FHIT: variants seen among roughly 807,000 people sequenced by gnomAD.
FHIT encodes fragile histidine triad diadenosine triphosphatase.
In FHIT, 19 loss-of-function variants were observed where a neutral mutation model predicts 17.9. The observed-to-expected ratio is 1.06, with a 90% CI of 0.74 to 1.56. The LOEUF (loss-of-function observed/expected upper bound fraction) is 1.56. Among genes scored for constraint, FHIT ranks in the 40% most tolerant of loss-of-function variants. The pLI, the probability that FHIT is intolerant of heterozygous loss-of-function variation, is 0.00. For missense variants in FHIT, 248 were observed against 189.2 expected (o/e 1.31, Z -1.82); for synonymous variants, 81 against 69.7 (o/e 1.16, Z -0.81).
At chr3:60,399,393 C>T (rs767571386) in intron 5 of FHIT, among the ~76,000 whole-genome samples, 11 of 152,076 alleles carry the variant, frequency 7.2e-5, no homozygotes, top group Non-Finnish European at 1.0e-4. Context: ...GGAATAGATG[C>T]TGAGAATATC....
chr3:60,405,618 C>A (rs1045775298), intron 5 of FHIT, among the ~76,000 whole-genome samples: 1 of 152,176 alleles, frequency 6.6e-6, no homozygotes, highest in Admixed American at 6.5e-5. Context: ...AGGTAGAGTG[C>A]CCCAAGAGAA....
At chr3:60,091,629 G>A (rs1019852979) in intron 5 of FHIT, among the ~76,000 whole-genome samples, 1 of 152,162 alleles carries the variant, frequency 6.6e-6, no homozygotes, top group African/African-American at 2.4e-5. Flanking sequence ...GTGGGGCACG[G>A]TGAGAGGTGA....
intron 3 of FHIT, among the ~76,000 whole-genome samples, chr3:61,025,915 G>T (rs1447669759): frequency 6.6e-6 from 1 of 152,048 alleles, no homozygotes; most frequent in African/African-American, 2.4e-5. Flanking sequence ...ACAATGGAAA[G>T]AAATAATTGT....
At chr3:60,263,678 A>C (rs1003592927) in intron 5 of FHIT, among the ~76,000 whole-genome samples, 3 of 151,954 alleles carry the variant, frequency 2.0e-5, no homozygotes, top group Non-Finnish European at 2.9e-5. Context: ...GGTAGAGAGG[A>C]GGTGGAATGC....
chr3:60,056,988 C>A (rs779499806), intron 5 of FHIT, among the ~76,000 whole-genome samples: 14 of 152,134 alleles, frequency 9.2e-5, no homozygotes, highest in Non-Finnish European at 1.9e-4. Flanking sequence ...GTTCTCAAAT[C>A]CAAGCTCTGG....
rs1577110598 is a variant in FHIT, at chr3:60,717,619, G to T, written c.-18+104300C>A. ...TAGCGAAGATTTGAGCTTGAAGTTT[G>T]CCTTTTAAAGAAATTGCATATGTGA... On this transcript the variant is annotated intron_variant, in intron 4 of 9. Coordinates refer to ENST00000492590, the MANE Select transcript of FHIT (RefSeq NM_002012.4). Among the ~76,000 whole-genome samples, 3 of 152,122 alleles carry T rather than the reference G, an allele frequency of 2.0e-5. No individual in the cohort carries two copies. The South Asian group carries it at 6.2e-4, about 32-fold the overall frequency.
chr3:60,561,757 T>C (rs1015143578), intron 4 of FHIT, among the ~76,000 whole-genome samples: 1 of 152,154 alleles, frequency 6.6e-6, no homozygotes, highest in Non-Finnish European at 1.5e-5. Flanking sequence ...AGACAACAGC[T>C]TCCTACCAAA....
chr3:60,239,363 G>C (rs1704985310), intron 5 of FHIT, among the ~76,000 whole-genome samples: 1 of 152,090 alleles, frequency 6.6e-6, no homozygotes, highest in South Asian at 2.1e-4. Flanking sequence ...CCAGGAATTT[G>C]AGAGCACCCT....
At chr3:60,271,505 A>G (rs1038906697) in intron 5 of FHIT, among the ~76,000 whole-genome samples, 1 of 152,196 alleles carries the variant, frequency 6.6e-6, no homozygotes, top group African/African-American at 2.4e-5. Context: ...CATCTCTGAT[A>G]ATGGATTTGT....
chr3:59,982,462 C>T (rs913036072), intron 7 of FHIT, among the ~76,000 whole-genome samples: 3 of 152,156 alleles, frequency 2.0e-5, no homozygotes, highest in Non-Finnish European at 4.4e-5. Flanking sequence ...GCAAAGCTAG[C>T]ACAAACCAAT....
intron 3 of FHIT, among the ~76,000 whole-genome samples, chr3:61,022,322 T>G (rs1468168699): frequency 6.6e-6 from 1 of 152,198 alleles, no homozygotes; most frequent in African/African-American, 2.4e-5. Flanking sequence ...AAGAGACCAA[T>G]AACAAGTTCT....
chr3:61,054,914 T>C (rs2034162509), intron 2 of FHIT, among the ~76,000 whole-genome samples: 1 of 152,196 alleles, frequency 6.6e-6, no homozygotes, highest in Non-Finnish European at 1.5e-5. Flanking sequence ...CCCTTGTACA[T>C]GCTATTCCTC....
intron 4 of FHIT, among the ~76,000 whole-genome samples, chr3:60,647,932 G>T (rs1253152650): frequency 4.6e-5 from 7 of 152,172 alleles, no homozygotes; most frequent in African/African-American, 1.7e-4. Context: ...CAATAATAGT[G>T]ACCCAGCAGA....
intron 4 of FHIT, among the ~76,000 whole-genome samples, chr3:60,806,518 T>G (rs1358303104): frequency 1.3e-5 from 2 of 152,242 alleles, no homozygotes; most frequent in Non-Finnish European, 2.9e-5. Flanking sequence ...CTGATTTGAC[T>G]TTTTCACATT....
intron 4 of FHIT, among the ~76,000 whole-genome samples, chr3:60,731,120 G>T (rs1553711100): frequency 1.3e-5 from 2 of 152,046 alleles, no homozygotes; most frequent in African/African-American, 4.8e-5. Context: ...GATAGAGCGA[G>T]ACTCTGTCTC....
chr3:60,521,887 A>G (rs1322210975), intron 5 of FHIT, among the ~76,000 whole-genome samples: 1 of 152,112 alleles, frequency 6.6e-6, no homozygotes, highest in Non-Finnish European at 1.5e-5. Context: ...ACATTCAACA[A>G]TACCAGAAAC....
At chr3:60,095,607 T>C (rs770017565) in intron 5 of FHIT, among the ~76,000 whole-genome samples, 2 of 152,222 alleles carry the variant, frequency 1.3e-5, no homozygotes, top group Non-Finnish European at 2.9e-5. Context: ...CGACCAAGCA[T>C]GTAGAGGGAA....
chr3:60,464,191 T>C (rs918295549), intron 5 of FHIT, among the ~76,000 whole-genome samples: 1 of 152,168 alleles, frequency 6.6e-6, no homozygotes, highest in Non-Finnish European at 1.5e-5. Context: ...ACTAGGTATT[T>C]CTAGGTTCCC....
intron 5 of FHIT, among the ~76,000 whole-genome samples, chr3:60,027,763 T>C (rs906555462): frequency 8.5e-5 from 13 of 152,090 alleles, no homozygotes; most frequent in African/African-American, 2.7e-4. Context: ...GGATAGTATT[T>C]TGGATTTTCA....
Sources: gnomAD v4.1 joint callset for allele counts (sites outside exome capture counted in the v4.1 genomes callset) on GRCh38, gnomAD v4.1.1 for gene constraint, MANE v1.5 for transcripts, NCBI Gene and HGNC (gene_info 2026-07-23, HGNC 2026-07-21) for gene names.